KCNH5: variants seen among roughly 807,000 people sequenced by gnomAD.
The protein encoded by KCNH5 is potassium voltage-gated channel subfamily H member 5, also known as voltage-gated delayed rectifier potassium channel KCNH5.
In KCNH5, 46 loss-of-function variants were observed where a neutral mutation model predicts 96.1. That is an observed-to-expected ratio of 0.48 (90% CI 0.38 to 0.61). The LOEUF is 0.61. Ranked by LOEUF, KCNH5 falls within the 20% of genes least tolerant of loss-of-function variation. The probability of loss-of-function intolerance (pLI) is 0.00; values close to 1 mark genes in which losing one functional copy is unlikely to be tolerated. For missense variants in KCNH5, 907 were observed against 1,225.8 expected (o/e 0.74, Z 3.88); for synonymous variants, 439 against 449.8 (o/e 0.98, Z 0.30).
intron 10 of KCNH5, among the ~76,000 whole-genome samples, chr14:62,750,853 A>G (rs923404504): frequency 6.6e-6 from 1 of 152,168 alleles, no homozygotes; most frequent in Non-Finnish European, 1.5e-5. Context: ...AGATTCAATT[A>G]CCTCATGTTA....
rs961933813 is a variant in KCNH5 at position 62,924,392 on chromosome 14, A to G, written c.1369+25741T>C. Among the ~76,000 whole-genome samples, 34 of 152,038 alleles carry G rather than the reference A, an allele frequency of 2.2e-4. 3 individuals are homozygous for G. The highest frequency in any genetic ancestry group is 2.9e-5 in the Non-Finnish European group (2 of 67,938). ...GGTGGGAATGTAAATTAGTACAGCC[A>G]TTATGGAAAACCGTATGGAGGTTCC... On this transcript the variant is annotated intron_variant, in intron 7 of 10. Coordinates refer to ENST00000322893, the MANE Select transcript of KCNH5 (RefSeq NM_139318.5).
chr14:62,910,926 CA>C (rs1412886648), intron 7 of KCNH5, among the ~76,000 whole-genome samples: 21 of 144,150 alleles, frequency 1.5e-4, no homozygotes, highest in Non-Finnish European at 3.2e-4. Context: ...CACACACACA[CA>C]CACACACACA....
chr14:62,903,036 A>G (rs1453563551), intron 7 of KCNH5, among the ~76,000 whole-genome samples: 2 of 152,198 alleles, frequency 1.3e-5, no homozygotes, highest in Non-Finnish European at 2.9e-5. Flanking sequence ...ATTTCATAAG[A>G]CAGTTATGAA....
At chr14:62,727,321 C>T (rs1291733777) in intron 10 of KCNH5, among the ~76,000 whole-genome samples, 1 of 152,090 alleles carries the variant, frequency 6.6e-6, no homozygotes, top group East Asian at 1.9e-4. Flanking sequence ...GCCGAGATCA[C>T]GCCACTGCAC....
chr14:62,950,665 T>C, intron 6 of KCNH5, 106 bp from the exon 7 acceptor site: 1 of 918,252 alleles, frequency 1.1e-6, no homozygotes, highest in South Asian at 2.0e-5. Flanking sequence ...TCCAATTATA[T>C]ATTAAGAACA....
At chr14:62,883,278 G>A (rs547116577) in intron 7 of KCNH5, among the ~76,000 whole-genome samples, 2 of 152,282 alleles carry the variant, frequency 1.3e-5, no homozygotes, top group East Asian at 1.9e-4. Context: ...TACCTAGGAT[G>A]TATCTAAAAA....
At chr14:62,958,279 T>G (rs1201213230) in intron 6 of KCNH5, among the ~76,000 whole-genome samples, 1 of 152,194 alleles carries the variant, frequency 6.6e-6, no homozygotes, top group African/African-American at 2.4e-5. Context: ...ACTTCATAAA[T>G]CTTATAAATA....
At chr14:62,878,611 C>T (rs192588246) in intron 7 of KCNH5, among the ~76,000 whole-genome samples, 37 of 152,186 alleles carry the variant, frequency 2.4e-4, no homozygotes, top group Admixed American at 1.4e-3. Flanking sequence ...ATACTTATAA[C>T]TCAATAAATA....
At chr14:62,979,066 T>C (rs1431175105) in intron 6 of KCNH5, among the ~76,000 whole-genome samples, 2 of 152,184 alleles carry the variant, frequency 1.3e-5, no homozygotes, top group African/African-American at 4.8e-5. Flanking sequence ...ACCCCACCCC[T>C]TGGTAACCAT....
intron 10 of KCNH5, among the ~76,000 whole-genome samples, chr14:62,757,927 C>G (rs1375134557): frequency 6.6e-6 from 1 of 152,050 alleles, no homozygotes; most frequent in Admixed American, 6.6e-5. Context: ...GGGTGGATCA[C>G]CTGAGGTCAG....
intron 10 of KCNH5, among the ~76,000 whole-genome samples, chr14:62,719,730 T>C (rs1884765458): frequency 6.6e-6 from 1 of 152,240 alleles, no homozygotes; most frequent in Non-Finnish European, 1.5e-5. Context: ...TTAGCTATTG[T>C]TACAGGCACA....
intron 7 of KCNH5, among the ~76,000 whole-genome samples, chr14:62,893,976 C>T (rs1469360686): frequency 1.3e-5 from 2 of 152,144 alleles, no homozygotes; most frequent in African/African-American, 2.4e-5. Flanking sequence ...CAGCTATCTA[C>T]GTATGTTGAG....
chr14:62,721,516 CTCTCTT>C (rs1012510736), intron 10 of KCNH5, among the ~76,000 whole-genome samples: 1 of 151,872 alleles, frequency 6.6e-6, no homozygotes, highest in Non-Finnish European at 1.5e-5. Flanking sequence ...CTCTCTCTCT[CTCTCTT>C]TCTATGGCAA....
intron 10 of KCNH5, among the ~76,000 whole-genome samples, chr14:62,745,279 C>G (rs1742981280): frequency 6.6e-6 from 1 of 152,162 alleles, no homozygotes. Flanking sequence ...TATGGTCAGG[C>G]CTGTGTTATC....
intron 7 of KCNH5, among the ~76,000 whole-genome samples, chr14:62,901,052 G>A (rs1020283833): frequency 6.6e-6 from 1 of 152,000 alleles, no homozygotes; most frequent in Admixed American, 6.6e-5. Context: ...GCAGTGGCAT[G>A]ATCTCGGCTC....
intron 1 of KCNH5, among the ~76,000 whole-genome samples, chr14:63,026,514 A>C (rs551317158): frequency 1.0e-3 from 145 of 139,998 alleles, no homozygotes; most frequent in African/African-American, 4.1e-3. Flanking sequence ...ATAGTAAGAA[A>C]ACAAATAACC....
intron 7 of KCNH5, among the ~76,000 whole-genome samples, chr14:62,940,715 A>G (rs1468261163): frequency 6.6e-6 from 1 of 152,164 alleles, no homozygotes; most frequent in Non-Finnish European, 1.5e-5. Context: ...TGCCTCATTT[A>G]CCTACTTATT....
intron 9 of KCNH5, among the ~76,000 whole-genome samples, chr14:62,796,559 C>T (rs1465651283): frequency 1.3e-5 from 2 of 152,108 alleles, no homozygotes; most frequent in Admixed American, 1.3e-4. Context: ...AACTCTAACC[C>T]TATGATTCTA....
chr14:62,757,258 T>C (rs1790507810), intron 10 of KCNH5, among the ~76,000 whole-genome samples: 1 of 152,190 alleles, frequency 6.6e-6, no homozygotes, highest in African/African-American at 2.4e-5. Context: ...ATCACCCCAT[T>C]TAAAATGGCT....
Sources: allele counts gnomAD v4.1 joint callset (sites outside exome capture counted in the v4.1 genomes callset), GRCh38; gene constraint gnomAD v4.1.1; transcripts MANE v1.5; gene names NCBI Gene and HGNC (gene_info 2026-07-23, HGNC 2026-07-21).